The following CSMD3 variants were observed in gnomAD, a reference collection of about 807,000 sequenced individuals.
CSMD3 encodes the protein CUB and Sushi multiple domains 3.
A neutral mutation model predicts 435.2 loss-of-function variants in CSMD3; 177 were observed. The observed-to-expected ratio is 0.41, with a 90% CI of 0.36 to 0.46. CSMD3 has a LOEUF of 0.46. Ranked by LOEUF, CSMD3 falls within the 20% of genes least tolerant of loss-of-function variation. CSMD3 has a pLI of 0.34. For synonymous variants in CSMD3, 1,656 were observed against 1,520.5 expected, an observed-to-expected ratio of 1.09 and a Z score of -2.07; for missense variants, 4,265 against 4,504.6, an observed-to-expected ratio of 0.95 and a Z score of 1.52.
intron 8 of CSMD3, among the ~76,000 whole-genome samples, chr8:112,950,840 C>T (rs1220354037): frequency 6.6e-6 from 1 of 151,912 alleles, no homozygotes; most frequent in Non-Finnish European, 1.5e-5. Context: ...ATGTCATTAA[C>T]TACAATTCAA....
chr8:112,699,603 T>C (rs2076342198), intron 13 of CSMD3, among the ~76,000 whole-genome samples: 1 of 152,230 alleles, frequency 6.6e-6, no homozygotes, highest in Non-Finnish European at 1.5e-5. Flanking sequence ...GATGTTCTCA[T>C]GAAAAATCCT....
intron 10 of CSMD3, among the ~76,000 whole-genome samples, chr8:112,878,101 A>C (rs1419748317): frequency 6.6e-6 from 1 of 152,214 alleles, no homozygotes; most frequent in African/African-American, 2.4e-5. Context: ...TCTGCACAGC[A>C]AAAGAAACTA....
In CSMD3 at chr8:112,716,331, C is replaced by T. The variant is rs142101810; in HGVS notation, c.1973-26281G>A. Among the ~76,000 whole-genome samples the T allele has an allele frequency of 1.1e-3, 161 of 152,020 alleles. 1 individual carries two copies. In the East Asian group the frequency reaches 0.023, roughly 22 times the overall value. On this transcript the variant is annotated intron_variant, in intron 13 of 70. Transcript: ENST00000297405. ...AATAAACTCCCATTCACAATTGCTA[C>T]GAAGAGAATAAAATACCTAGGAATA...
chr8:112,630,305 A>T (rs2131553523), intron 22 of CSMD3, among the ~76,000 whole-genome samples: 1 of 152,334 alleles, frequency 6.6e-6, no homozygotes, highest in African/African-American at 2.4e-5. Context: ...AGCTGGAAAC[A>T]GGAAGTCCAG....
chr8:113,019,551 ATTT>A (rs1188336578), intron 5 of CSMD3, among the ~76,000 whole-genome samples: 2 of 148,450 alleles, frequency 1.3e-5, no homozygotes, highest in Non-Finnish European at 3.0e-5. Context: ...ATTATATCTT[ATTT>A]ATTATTTATT....
intron 6 of CSMD3, among the ~76,000 whole-genome samples, chr8:112,996,168 T>C (rs560375592): frequency 2.4e-4 from 37 of 151,516 alleles, no homozygotes; most frequent in South Asian, 4.1e-4. Flanking sequence ...ACATAGATTA[T>C]CTCTAGTCAT....
intron 8 of CSMD3, among the ~76,000 whole-genome samples, chr8:112,952,363 G>A (rs1026896711): frequency 6.6e-6 from 1 of 151,438 alleles, no homozygotes; most frequent in Non-Finnish European, 1.5e-5. Flanking sequence ...TCATAGAATT[G>A]ATCTTTTTTT....
chr8:112,335,406 T>C lies in CSMD3; in HGVS notation c.7088A>G (p.Tyr2363Cys), dbSNP rs2130947895. 6.2e-7 allele frequency: 1 copy of C among 1,613,932 alleles called. No homozygotes were observed. The highest frequency in any genetic ancestry group is 8.5e-7 in the Non-Finnish European group (1 of 1,179,846). Residue 2363 changes from tyrosine to cysteine, a missense_variant, in exon 45 of 71, where the codon TAC becomes TGC. Physicochemically the swap from Tyr to Cys is radical, Grantham distance 194. Transcript: ENST00000297405. ...GATTAGAATCTGATTTGAAGTACTG[T>C]AGACTGATTCCAAAGCGGTATTGCC... Reference protein sequence around the residue: ...FSGNTALESVYSTSNQILIKF... With the variant: ...FSGNTALESVCSTSNQILIKF...
At chr8:112,415,894 G>T (rs1163611386) in intron 32 of CSMD3, among the ~76,000 whole-genome samples, 1 of 152,126 alleles carries the variant, frequency 6.6e-6, no homozygotes, top group Non-Finnish European at 1.5e-5. Flanking sequence ...TGGTGTATTT[G>T]CCAAATGCCT....
intron 15 of CSMD3, among the ~76,000 whole-genome samples, chr8:112,683,226 T>C (rs888717947): frequency 2.0e-5 from 3 of 152,054 alleles, no homozygotes; most frequent in African/African-American, 7.2e-5. Flanking sequence ...CACTGTGATA[T>C]GTTATTATCT....
rs905031102 is a variant in CSMD3, at chr8:112,818,040, AT to A, written c.1859+11645del. ...AATATTTTTTTATGCTTTGTAACTG[AT>A]TTTTTTTTTGCAGGAGTATTTTAGC... On this transcript the variant is annotated intron_variant, in intron 12 of 70. Coordinates refer to ENST00000297405, the MANE Select transcript of CSMD3 (RefSeq NM_198123.2). Among the ~76,000 whole-genome samples the A allele has an allele frequency of 1.0e-3, 153 of 148,906 alleles. 2 individuals carry two copies. The highest frequency in any genetic ancestry group is 3.5e-3 in the Middle Eastern group (1 of 282).
intron 13 of CSMD3, among the ~76,000 whole-genome samples, chr8:112,712,188 G>A (rs74745961): frequency 1.3e-5 from 2 of 152,202 alleles, no homozygotes; most frequent in Non-Finnish European, 1.5e-5. Context: ...GAAACTGTGA[G>A]CTTAAGAAGA....
At chr8:112,980,306 T>A (rs1299953993) in intron 6 of CSMD3, among the ~76,000 whole-genome samples, 1 of 151,114 alleles carries the variant, frequency 6.6e-6, no homozygotes, top group East Asian at 1.9e-4. Context: ...TAAAAATAAC[T>A]ACATATTCAA....
intron 20 of CSMD3, among the ~76,000 whole-genome samples, chr8:112,642,672 T>G (rs73702362): frequency 0.018 from 2,803 of 152,118 alleles, 79 homozygotes; most frequent in African/African-American, 0.064. Flanking sequence ...TGAATCAAAA[T>G]CAATATGATA....
intron 12 of CSMD3, among the ~76,000 whole-genome samples, chr8:112,818,904 A>AG (rs200835844): frequency 0.021 from 3,165 of 152,296 alleles, 57 homozygotes; most frequent in Middle Eastern, 0.048. Context: ...AAAATTAATG[A>AG]GCTTGTATTT....
intron 22 of CSMD3, among the ~76,000 whole-genome samples, chr8:112,632,050 C>T (rs557055669): frequency 2.6e-5 from 4 of 151,830 alleles, no homozygotes; most frequent in East Asian, 3.9e-4. Flanking sequence ...GTATAGAGAG[C>T]TTGGAGGTTA....
At chr8:113,364,994 G>A (rs1218812084) in intron 1 of CSMD3, among the ~76,000 whole-genome samples, 1 of 151,996 alleles carries the variant, frequency 6.6e-6, no homozygotes, top group African/African-American at 2.4e-5. Flanking sequence ...AACCGTCCTT[G>A]GAATTCTTTT....
intron 4 of CSMD3, among the ~76,000 whole-genome samples, chr8:113,156,208 A>G (rs1430337080): frequency 6.6e-6 from 1 of 152,110 alleles, no homozygotes; most frequent in Non-Finnish European, 1.5e-5. Context: ...TTATCTCACT[A>G]TTCAGGTGCC....
Position 112,351,153 on chromosome 8 carries a change from ACTT to A in CSMD3, c.6325+19_6325+21del. On this transcript the variant is annotated intron_variant, in intron 40 of 70. Coordinates refer to ENST00000297405, the MANE Select transcript of CSMD3 (RefSeq NM_198123.2). ...TTACACTTTAAGTTCTAGGGTAAAT[ACTT>A]TATAGTCTTTTAACTTACCTAAACA... is the stretch of plus-strand genomic sequence containing the variant. 1 of 1,404,482 alleles carries A rather than the reference ACTT, an allele frequency of 7.1e-7. No homozygotes were observed. The highest frequency in any genetic ancestry group is 1.2e-5 in the South Asian group (1 of 86,752). 87.0% of individuals were successfully genotyped at this position (1,404,482 alleles called of 1,614,324 possible).
Sources: gnomAD v4.1 joint callset for allele counts (sites outside exome capture counted in the v4.1 genomes callset) on GRCh38, gnomAD v4.1.1 for gene constraint, MANE v1.5 for transcripts, NCBI Gene and HGNC (gene_info 2026-07-23, HGNC 2026-07-21) for gene names.